Variants in WDR49 observed in about 807,000 individuals in gnomAD.
WDR49 encodes WD repeat domain 49.
Under a neutral mutation model 119.5 loss-of-function variants are expected in WDR49, and 107 were observed. The observed-to-expected ratio is 0.90, with a 90% confidence interval of 0.77 to 1.05. The LOEUF is 1.05. WDR49 is among the 50% of genes least tolerant of loss of function. The probability of loss-of-function intolerance (pLI) is 0.00; values close to 1 mark genes in which losing one functional copy is unlikely to be tolerated. For missense variants in WDR49, 1,240 were observed against 1,220.5 expected (o/e 1.02, Z -0.24); for synonymous variants, 425 against 418.8 (o/e 1.01, Z -0.18).
intron 13 of WDR49, among the ~76,000 whole-genome samples, chr3:167,530,190 T>A (rs930586225): frequency 5.9e-5 from 9 of 152,098 alleles, no homozygotes; most frequent in Non-Finnish European, 8.8e-5. Flanking sequence ...TTCTTAATGA[T>A]TAAAAATTTT....
upstream of WDR49, among the ~76,000 whole-genome samples, chr3:167,655,575 C>T (rs1383369777): frequency 6.6e-6 from 1 of 152,072 alleles, no homozygotes; most frequent in Non-Finnish European, 1.5e-5. Flanking sequence ...TCATCCATCT[C>T]TCATTATTCT....
intron 5 of WDR49, among the ~76,000 whole-genome samples, chr3:167,605,935 T>C (rs1179506723): frequency 1.3e-5 from 2 of 152,202 alleles, no homozygotes; most frequent in Non-Finnish European, 2.9e-5. Flanking sequence ...CTTGGGACAC[T>C]AGTATTTGGT....
At position 167,653,345 on chromosome 3, in the gene WDR49, T is replaced by G; in HGVS notation, c.81A>C (p.Val27=). ...CTGTGCCATAGTCTTCAAATGCAGT[T>G]ACACCTTCTGTTCTCTCAGGACTCT... ...GPKSPERTEG[V]TAFEDYGTGL... The change falls in exon 2 of 19, where the codon GTA becomes GTC. Residue 27 remains valine (V), a synonymous_variant. Coordinates refer to ENST00000682715, the MANE Select transcript of WDR49 (RefSeq NM_001366157.1). 1 of 1,536,180 alleles carries G rather than the reference T, an allele frequency of 6.5e-7. No homozygotes were observed. The highest frequency in any genetic ancestry group is 8.7e-7 in the Non-Finnish European group (1 of 1,146,890).
intron 7 of WDR49, among the ~76,000 whole-genome samples, chr3:167,590,956 A>G (rs1008396603): frequency 4.6e-5 from 7 of 151,304 alleles, no homozygotes; most frequent in Non-Finnish European, 8.9e-5. Context: ...TTTTTCTTCT[A>G]CAGATTTGGG....
intron 15 of WDR49, among the ~76,000 whole-genome samples, chr3:167,522,784 G>A (rs1360951028): frequency 6.6e-6 from 1 of 152,052 alleles, no homozygotes; most frequent in Non-Finnish European, 1.5e-5. Flanking sequence ...ATTCTGAATA[G>A]CCAGATGTAC....
intron 16 of WDR49, among the ~76,000 whole-genome samples, chr3:167,509,214 A>G (rs1010379504): frequency 1.3e-5 from 2 of 152,222 alleles, no homozygotes; most frequent in African/African-American, 4.8e-5. Flanking sequence ...GGAGTAGTTT[A>G]TGCTCTTTGT....
At chr3:167,520,203 C>T (rs1752386966) in intron 16 of WDR49, among the ~76,000 whole-genome samples, 1 of 150,044 alleles carries the variant, frequency 6.7e-6, no homozygotes, top group Non-Finnish European at 1.5e-5. Context: ...GCTGTGGTCG[C>T]ACCACTGCAT....
intron 7 of WDR49, among the ~76,000 whole-genome samples, chr3:167,588,010 G>A (rs1456049520): frequency 1.3e-5 from 2 of 151,992 alleles, no homozygotes; most frequent in Non-Finnish European, 2.9e-5. Context: ...TTTTACTATA[G>A]TCACTCTGTT....
At chr3:167,632,676 C>A (rs1320684179) in intron 2 of WDR49, among the ~76,000 whole-genome samples, 1 of 151,970 alleles carries the variant, frequency 6.6e-6, no homozygotes, top group Non-Finnish European at 1.5e-5. Context: ...GGTAATTGAT[C>A]TTTTATACAA....
chr3:167,641,951 T>C (rs1417963057), intron 2 of WDR49, among the ~76,000 whole-genome samples: 1 of 151,392 alleles, frequency 6.6e-6, no homozygotes, highest in Non-Finnish European at 1.5e-5. Flanking sequence ...AAAATACACA[T>C]AGACATACAT....
At chr3:167,492,754 C>T (rs1055485657) in intron 18 of WDR49, among the ~76,000 whole-genome samples, 3 of 152,072 alleles carry the variant, frequency 2.0e-5, no homozygotes, top group African/African-American at 7.2e-5. Flanking sequence ...CAGTCTTATG[C>T]TTAAAATTTC....
At chr3:167,603,783 T>C (rs950566693) in intron 6 of WDR49, among the ~76,000 whole-genome samples, 5 of 152,132 alleles carry the variant, frequency 3.3e-5, no homozygotes, top group African/African-American at 1.2e-4. Context: ...AGAACTCTCC[T>C]CTAGTAAACA....
chr3:167,539,219 A>T (rs147874098), intron 10 of WDR49, among the ~76,000 whole-genome samples: 278 of 152,286 alleles, frequency 1.8e-3, no homozygotes, highest in African/African-American at 6.6e-3. Context: ...TCAAAGTTTT[A>T]AATTTATTTT....
intron 8 of WDR49, among the ~76,000 whole-genome samples, chr3:167,574,236 T>C (rs189592596): frequency 1.8e-4 from 27 of 152,330 alleles, no homozygotes; most frequent in African/African-American, 6.5e-4. Context: ...CAAGAAACTA[T>C]AGTTTATTAT....
intron 8 of WDR49, among the ~76,000 whole-genome samples, chr3:167,571,748 G>C (rs2108280417): frequency 6.6e-6 from 1 of 152,258 alleles, no homozygotes; most frequent in African/African-American, 2.4e-5. Flanking sequence ...TTTTGTATTT[G>C]AGCTTTACTG....
intron 9 of WDR49, among the ~76,000 whole-genome samples, chr3:167,559,483 C>T (rs907076127): frequency 5.3e-5 from 8 of 151,934 alleles, no homozygotes; most frequent in Admixed American, 2.0e-4. Flanking sequence ...ACCTTCCTCC[C>T]AGAAGAAATA....
intron 13 of WDR49, 55 bp from the exon 14 acceptor site, chr3:167,529,294 A>T: frequency 6.8e-7 from 1 of 1,479,936 alleles, no homozygotes; most frequent in Non-Finnish European, 9.0e-7. Context: ...TGCCAGAAAT[A>T]ACTTCTTCAG....
intron 7 of WDR49, among the ~76,000 whole-genome samples, chr3:167,578,405 T>A (rs963765006): frequency 2.6e-5 from 4 of 152,234 alleles, no homozygotes; most frequent in Middle Eastern, 3.4e-3. Flanking sequence ...TGTTTATGAT[T>A]TTTTTCCACA....
chr3:167,582,958 A>G (rs1409278416), intron 7 of WDR49, among the ~76,000 whole-genome samples: 5 of 150,326 alleles, frequency 3.3e-5, no homozygotes, highest in African/African-American at 4.9e-5. Flanking sequence ...AAACACACAC[A>G]CACACACACA....
Sources: allele counts gnomAD v4.1 joint callset (sites outside exome capture counted in the v4.1 genomes callset), GRCh38; gene constraint gnomAD v4.1.1; transcripts MANE v1.5; gene names NCBI Gene and HGNC (gene_info 2026-07-23, HGNC 2026-07-21).